Variants in EEF1AKMT2 observed in about 807,000 individuals in gnomAD.
EEF1AKMT2 encodes the protein eukaryotic translation elongation factor 1 alpha lysine methyltransferase 2.
In EEF1AKMT2, 32 loss-of-function variants were observed where a neutral mutation model predicts 35.8. That is an observed-to-expected ratio of 0.89 (90% CI 0.67 to 1.20). The LOEUF is 1.20. Ranked by LOEUF, EEF1AKMT2 falls within the 50% of genes most tolerant of loss-of-function variation. The pLI, the probability that EEF1AKMT2 is intolerant of heterozygous loss-of-function variation, is 0.00. For synonymous variants in EEF1AKMT2, 121 were observed against 133.7 expected (o/e 0.91, Z 0.65); for missense variants, 330 against 347.5 (o/e 0.95, Z 0.40).
chr10:124,763,888 A>G (rs1589779104), intron 5 of EEF1AKMT2, among the ~76,000 whole-genome samples: 1 of 152,212 alleles, frequency 6.6e-6, no homozygotes, highest in East Asian at 1.9e-4. Context: ...AAGGAAACAA[A>G]TTTAACATGG....
chr10:124,767,098 T>C (rs1950384586), intron 4 of EEF1AKMT2, among the ~76,000 whole-genome samples: 1 of 147,930 alleles, frequency 6.8e-6, no homozygotes, highest in African/African-American at 2.5e-5. Context: ...GAGGCAGAGC[T>C]TGCAGTGAGC....
chr10:124,773,033 C>T (rs1950451609), intron 4 of EEF1AKMT2, among the ~76,000 whole-genome samples: 1 of 152,194 alleles, frequency 6.6e-6, no homozygotes, highest in Admixed American at 6.5e-5. Context: ...AATTTTGTCA[C>T]AAGAGGCCTA....
rs1349773929 is a variant in EEF1AKMT2, at chr10:124,757,945, C to CA, written c.*2557dup. ...TCTAACTTGTGCACCTGGCTTAAAA[C>CA]AAAATGTACTGAAAACTTTGTATTT... On this transcript the variant is annotated 3_prime_UTR_variant, in exon 7 of 7. Coordinates refer to ENST00000368836, the MANE Select transcript of EEF1AKMT2 (RefSeq NM_212554.4). 1 of 152,170 alleles carries CA rather than the reference C, an allele frequency of 6.6e-6. No individual in the cohort carries two copies. The highest frequency in any genetic ancestry group is 2.4e-5 in the African/African-American group (1 of 41,442). 9.4% of individuals were successfully genotyped at this position (152,170 alleles called of 1,614,324 possible). A position where few individuals can be genotyped will look rare whatever the true frequency, so the allele number is the denominator to read the frequency against.
rs1950318625 is a variant in EEF1AKMT2, at chr10:124,760,198, A to G, written c.*305T>C. ...AAAACTATTTACATTTCAAATACAA[A>G]AGAAAATTAAAATTATTCTTGATTG... is the stretch of plus-strand genomic sequence containing the variant. On this transcript the variant is annotated 3_prime_UTR_variant, in exon 7 of 7. Transcript: ENST00000368836. The G allele has an allele frequency of 2.4e-6, 1 of 412,218 alleles. No individual in the cohort carries two copies. Among genetic ancestry groups the G allele is most frequent in the African/African-American group, 2.0e-5 (1 of 49,392 alleles). The allele number at this position is 412,218 out of a possible 1,614,324, so 25.5% of individuals were successfully genotyped here.
intron 3 of EEF1AKMT2, among the ~76,000 whole-genome samples, chr10:124,776,624 C>A (rs892248111): frequency 3.3e-5 from 5 of 151,274 alleles, no homozygotes; most frequent in Non-Finnish European, 7.4e-5. Context: ...CCCATCTCTA[C>A]TAAAAACACA....
intron 3 of EEF1AKMT2, among the ~76,000 whole-genome samples, chr10:124,787,376 T>C (rs1950594460): frequency 7.6e-6 from 1 of 131,116 alleles, no homozygotes; most frequent in Non-Finnish European, 1.5e-5. Context: ...AAGGTTGCAG[T>C]GAGCCAAGAT....
rs148200422 is a variant in EEF1AKMT2, at chr10:124,786,216, G to A, written c.291+2827C>T. On this transcript the variant is annotated intron_variant, in intron 3 of 6. Transcript: ENST00000368836. ...TCTACATAAACTACACTTCAATTAA[G>A]AATTTCAGGGCCGGGCGTGGTGGCT... is the stretch of plus-strand genomic sequence containing the variant. 3.8e-3 allele frequency among the ~76,000 whole-genome samples: 584 copies of A among 151,814 alleles called. 4 individuals are homozygous for A. Among genetic ancestry groups the A allele is most frequent in the Non-Finnish European group, 5.9e-3 (399 of 67,918 alleles).
chr10:124,768,745 G>A (rs945376882), intron 4 of EEF1AKMT2, among the ~76,000 whole-genome samples: 5 of 151,738 alleles, frequency 3.3e-5, no homozygotes, highest in Admixed American at 2.0e-4. Flanking sequence ...AAAAGCCTCC[G>A]TCTCAAAAAA....
At chr10:124,790,240 C>T in intron 2 of EEF1AKMT2, 33 bp downstream of exon 2, 1 of 1,468,958 alleles carries the variant, frequency 6.8e-7, no homozygotes, top group Non-Finnish European at 9.5e-7. Flanking sequence ...ATATAATCTT[C>T]TAGATTATAA....
Position 124,762,564 on chromosome 10 carries a change from C to T in EEF1AKMT2, c.617-6G>A, listed in dbSNP as rs1203597376. 3 of 1,189,026 alleles carry T rather than the reference C, an allele frequency of 2.5e-6. No individual in the cohort carries two copies. Among genetic ancestry groups the T allele is most frequent in the Non-Finnish European group, 3.3e-6 (3 of 922,920 alleles). The allele number at this position is 1,189,026 out of a possible 1,614,324, so 73.7% of individuals were successfully genotyped here. On this transcript the variant is annotated splice_polypyrimidine_tract_variant and splice_region_variant and intron_variant, in intron 5 of 6. Transcript: ENST00000368836. ...TCCTGCCACTGTACTCCAACCTGGG[C>T]AACAGAGAGAGAGACAGACCGTTTC...
At chr10:124,765,297 A>C in intron 5 of EEF1AKMT2, 95 bp downstream of exon 5, 2 of 1,038,718 alleles carry the variant, frequency 1.9e-6, no homozygotes, top group South Asian at 2.9e-5. Flanking sequence ...CACAAATAGA[A>C]AAGTAAAACA....
Position 124,791,863 on chromosome 10 carries a change from G to T in EEF1AKMT2, c.-30C>A. ...CTCCACGTCCTGGACGGCCGTTGGG[G>T]CCGCCATAGAGACGGGGCACAGGCA... On this transcript the variant is annotated 5_prime_UTR_variant, in exon 1 of 7. Coordinates refer to ENST00000368836, the MANE Select transcript of EEF1AKMT2 (RefSeq NM_212554.4). The T allele has an allele frequency of 3.2e-6, 5 of 1,539,976 alleles. No homozygotes were observed. Among genetic ancestry groups the T allele is most frequent in the Non-Finnish European group, 3.5e-6 (4 of 1,149,022 alleles).
intron 3 of EEF1AKMT2, among the ~76,000 whole-genome samples, chr10:124,781,515 G>A (rs894036886): frequency 7.4e-5 from 11 of 148,956 alleles, no homozygotes; most frequent in African/African-American, 2.7e-4. Context: ...CCCAGGAGGC[G>A]AAGGTTGCAG....
intron 1 of EEF1AKMT2, among the ~76,000 whole-genome samples, chr10:124,791,110 C>G (rs1317134681): frequency 1.3e-5 from 2 of 152,122 alleles, no homozygotes; most frequent in Non-Finnish European, 2.9e-5. Context: ...CAATGATTCT[C>G]TAGAATCCCT....
intron 3 of EEF1AKMT2, among the ~76,000 whole-genome samples, chr10:124,784,400 T>A (rs539326265): frequency 3.3e-5 from 5 of 151,672 alleles, no homozygotes; most frequent in African/African-American, 9.7e-5. Flanking sequence ...ATACAACAAA[T>A]CAACAATTTA....
At position 124,776,700 on chromosome 10, in the gene EEF1AKMT2, CAGG is replaced by C. The variant is rs752626972; in HGVS notation, c.292-1921_292-1919del. Among the ~76,000 whole-genome samples the C allele has an allele frequency of 1.8e-4, 28 of 152,054 alleles. No homozygotes were observed. The East Asian group carries it at 2.1e-3, about 12-fold the overall frequency. On this transcript the variant is annotated intron_variant, in intron 3 of 6. Coordinates refer to ENST00000368836, the MANE Select transcript of EEF1AKMT2 (RefSeq NM_212554.4). Reference sequence around the variant, plus strand: ...ATCCCAGCTACTCGGGAGGCTGAGGCAGGAGAATTGCTTGAACCCGGGAGGTGG... The same window carrying C: ...ATCCCAGCTACTCGGGAGGCTGAGGCAGAATTGCTTGAACCCGGGAGGTGG...
At chr10:124,757,132 C>T (rs938951523), downstream of EEF1AKMT2, among the ~76,000 whole-genome samples, 2 of 151,078 alleles carry the variant, frequency 1.3e-5, no homozygotes, top group Admixed American at 1.3e-4. Context: ...ATGTACGAGA[C>T]AAGACTTCTT....
At chr10:124,769,872 G>A (rs889555577) in intron 4 of EEF1AKMT2, among the ~76,000 whole-genome samples, 4 of 145,188 alleles carry the variant, frequency 2.8e-5, no homozygotes, top group Non-Finnish European at 4.5e-5. Context: ...CTTGAAACCG[G>A]GAGGCAGAGG....
At chr10:124,778,486 G>A (rs1950507873) in intron 3 of EEF1AKMT2, among the ~76,000 whole-genome samples, 1 of 152,052 alleles carries the variant, frequency 6.6e-6, no homozygotes, top group African/African-American at 2.4e-5. Context: ...CACTTTGGGA[G>A]GCCAAGGCAG....
Sources: allele counts gnomAD v4.1 joint callset (sites outside exome capture counted in the v4.1 genomes callset), GRCh38; gene constraint gnomAD v4.1.1; transcripts MANE v1.5; gene names NCBI Gene and HGNC (gene_info 2026-07-23, HGNC 2026-07-21).